Variants in C10orf53 observed in about 807,000 individuals in gnomAD.
C10orf53 encodes the protein UPF0728 protein C10orf53.
A neutral mutation model predicts 9.4 loss-of-function variants in C10orf53; 8 were observed. That is an observed-to-expected ratio of 0.85 (90% CI 0.50 to 1.53). The LOEUF is 1.53. Among genes scored for constraint, C10orf53 ranks in the 40% most tolerant of loss-of-function variants. The probability of loss-of-function intolerance (pLI) is 0.00; values close to 1 mark genes in which losing one functional copy is unlikely to be tolerated. For missense variants in C10orf53, 117 were observed against 117.8 expected (o/e 0.99, Z 0.03); for synonymous variants, 48 against 46.0 (o/e 1.04, Z -0.18).
At chr10:49,709,959 GTGTGTGTGTGTGTC>G (rs1840751949) in exon 3 of C10orf53, 1 of 33,312 alleles carries the variant, frequency 3.0e-5, no homozygotes, top group Admixed American at 4.1e-4. Flanking sequence ...GTGTGTGTGT[GTGTGTGTGTGTGTC>G]TGTGTGTGTG....
At chr10:49,708,320 T>A (rs1840736670) in intron 2 of C10orf53, 1 of 1,602,562 alleles carries the variant, frequency 6.2e-7, no homozygotes, top group African/African-American at 1.3e-5. Flanking sequence ...TCTGTCTCCA[T>A]CTCTTGATGC....
chr10:49,686,674 G>C (rs1031283987), intron 1 of C10orf53, among the ~76,000 whole-genome samples: 1 of 152,124 alleles, frequency 6.6e-6, no homozygotes, highest in Non-Finnish European at 1.5e-5. Flanking sequence ...AATACGCCCT[G>C]GTCTCTTGCA....
chr10:49,694,232 C>T (rs1169499056), intron 2 of C10orf53: 1 of 575,852 alleles, frequency 1.7e-6, no homozygotes. Flanking sequence ...TTCGAAGCTG[C>T]TTTTTTTCCA....
downstream of C10orf53, among the ~76,000 whole-genome samples, chr10:49,699,387 C>T (rs955270062): frequency 6.6e-6 from 1 of 150,966 alleles, no homozygotes; most frequent in Non-Finnish European, 1.5e-5. Context: ...GTAGAGATGG[C>T]ATCTCCTATG....
intron 1 of C10orf53, among the ~76,000 whole-genome samples, chr10:49,690,580 G>A (rs756009646): frequency 9.2e-5 from 14 of 152,132 alleles, no homozygotes; most frequent in Non-Finnish European, 1.8e-4. Context: ...TAATAACTCA[G>A]CAAAATGTTT....
intron 1 of C10orf53, among the ~76,000 whole-genome samples, chr10:49,680,463 G>C (rs1318295453): frequency 6.6e-6 from 1 of 152,238 alleles, no homozygotes; most frequent in Non-Finnish European, 1.5e-5. Context: ...CAGGTAAAGA[G>C]AGGAATGCCT....
chr10:49,686,692 C>T (rs955812064), intron 1 of C10orf53, among the ~76,000 whole-genome samples: 1 of 152,196 alleles, frequency 6.6e-6, no homozygotes, highest in Non-Finnish European at 1.5e-5. Flanking sequence ...GCAGTACCCT[C>T]AGGCTTACTA....
exon 3 of C10orf53, chr10:49,709,977 G>GTGTGTGTC (rs1554812799): frequency 2.7e-3 from 119 of 44,362 alleles, no homozygotes; most frequent in African/African-American, 0.01. Flanking sequence ...GTGTGTCTGT[G>GTGTGTGTC]TGTGTGTGTG....
rs1840645153 is a variant in C10orf53, at chr10:49,697,379, T to C, written c.*2777T>C. Reference sequence around the variant, plus strand: ...AGCAAGAGACACAGCTTGCTCCCCATCAAAGGCAAAAGTGCCCTGTGCTTC... The same window carrying C: ...AGCAAGAGACACAGCTTGCTCCCCACCAAAGGCAAAAGTGCCCTGTGCTTC... On this transcript the variant is annotated 3_prime_UTR_variant, in exon 3 of 3. Transcript: ENST00000374111. Among the ~76,000 whole-genome samples the C allele has an allele frequency of 6.6e-6, 1 of 152,128 alleles. No homozygotes were observed. Among genetic ancestry groups the C allele is most frequent in the Non-Finnish European group, 1.5e-5 (1 of 68,032 alleles).
chr10:49,685,143 C>T (rs112435254), intron 1 of C10orf53, among the ~76,000 whole-genome samples: 8 of 152,232 alleles, frequency 5.3e-5, no homozygotes, highest in African/African-American at 1.4e-4. Flanking sequence ...CACACACACA[C>T]GCACACACAC....
intron 2 of C10orf53, among the ~76,000 whole-genome samples, chr10:49,704,829 T>G (rs1215675612): frequency 2.0e-5 from 3 of 152,240 alleles, no homozygotes; most frequent in African/African-American, 7.2e-5. Context: ...CAGGCACTTG[T>G]GCTTGATAGA....
chr10:49,683,896 TA>T (rs895634838), intron 1 of C10orf53, among the ~76,000 whole-genome samples: 45 of 151,962 alleles, frequency 3.0e-4, no homozygotes, highest in African/African-American at 1.1e-3. Flanking sequence ...AGACTCTGTC[TA>T]AAAAAAAGAA....
At chr10:49,702,522 A>T (rs1840691775), downstream of C10orf53, among the ~76,000 whole-genome samples, 1 of 152,138 alleles carries the variant, frequency 6.6e-6, no homozygotes, top group South Asian at 2.1e-4. Context: ...TCTCTGCCTG[A>T]CTATCCTCAA....
Position 49,679,882 on chromosome 10 carries a change from C to A in C10orf53, c.97+88C>A, listed in dbSNP as rs980669969. 14 of 1,216,250 alleles carry A rather than the reference C, an allele frequency of 1.2e-5. No individual in the cohort carries two copies. In the Admixed American group the frequency reaches 4.5e-4, roughly 39 times the overall value. 75.3% of individuals were successfully genotyped at this position (1,216,250 alleles called of 1,614,324 possible). A position where few individuals can be genotyped will look rare whatever the true frequency, so the allele number is the denominator to read the frequency against. The stretch of plus-strand genomic sequence containing the variant: ...GCCCTGTGCCTAGGCCTTCCTCAGA[C>A]CCCCACGAAGCGCCACCTCTCCAGG... On this transcript the variant is annotated intron_variant, in intron 1 of 2. Coordinates refer to ENST00000374111, the MANE Select transcript of C10orf53 (RefSeq NM_001042427.3).
chr10:49,708,768 C>A, exon 3 of C10orf53: 1 of 1,111,480 alleles, frequency 9.0e-7, no homozygotes, highest in Non-Finnish European at 1.3e-6. Flanking sequence ...GTCCCACAGG[C>A]AACCTGTGGC....
chr10:49,696,570 C>G lies in C10orf53; in HGVS notation c.*1968C>G, dbSNP rs190801346. On this transcript the variant is annotated 3_prime_UTR_variant, in exon 3 of 3. Transcript: ENST00000374111. ...CTACAAGTGAAGAAGACCTGCCCTC[C>G]TTGGCTTCATGACCAGAGCTGAAGG... Among the ~76,000 whole-genome samples, 2 of 152,310 alleles carry G rather than the reference C, an allele frequency of 1.3e-5. No homozygotes were observed. The highest frequency in any genetic ancestry group is 1.3e-4 in the Admixed American group (2 of 15,302).
Position 49,697,343 on chromosome 10 carries a change from C to G in C10orf53, c.*2741C>G, listed in dbSNP as rs1408189353. 6.6e-6 allele frequency among the ~76,000 whole-genome samples: 1 copy of G among 152,198 alleles called. No homozygotes were observed. Among genetic ancestry groups the G allele is most frequent in the Admixed American group, 6.5e-5 (1 of 15,282 alleles). ...GCCTCCCTCTCTCGAGCACGCACCT[C>G]CCTGCCCAGAAGCAAGAGACACAGC... On this transcript the variant is annotated 3_prime_UTR_variant, in exon 3 of 3. Coordinates refer to ENST00000374111, the MANE Select transcript of C10orf53 (RefSeq NM_001042427.3).
At chr10:49,686,200 A>C (rs563852564) in intron 1 of C10orf53, among the ~76,000 whole-genome samples, 1 of 152,364 alleles carries the variant, frequency 6.6e-6, no homozygotes, top group East Asian at 1.9e-4. Flanking sequence ...GCAGTCTCTG[A>C]AAATAAATTG....
chr10:49,680,367 G>A (rs147784628), intron 1 of C10orf53, among the ~76,000 whole-genome samples: 15 of 152,328 alleles, frequency 9.8e-5, no homozygotes, highest in African/African-American at 3.4e-4. Flanking sequence ...GGAGGGGAGA[G>A]GGAGAGGTCT....
Sources: allele counts gnomAD v4.1 joint callset (sites outside exome capture counted in the v4.1 genomes callset), GRCh38; gene constraint gnomAD v4.1.1; transcripts MANE v1.5; gene names NCBI Gene and HGNC (gene_info 2026-07-23, HGNC 2026-07-21).